B3GALT1: variants seen among roughly 807,000 people sequenced by gnomAD.
The protein encoded by B3GALT1 is beta-1,3-galactosyltransferase 1, also known as UDP-Gal:betaGlcNAc beta 1,3-galactosyltransferase, polypeptide 1.
B3GALT1 carries 10 observed loss-of-function variants against 23.2 expected under a neutral mutation model. The observed-to-expected ratio is 0.43, with a 90% CI of 0.27 to 0.73. B3GALT1 has a LOEUF of 0.73. B3GALT1 is among the 30% of genes least tolerant of loss of function. The pLI, the probability that B3GALT1 is intolerant of heterozygous loss-of-function variation, is 0.21. For synonymous variants in B3GALT1, 156 were observed against 141.5 expected (o/e 1.10, Z -0.73); for missense variants, 299 against 405.4 (o/e 0.74, Z 2.25).
chr2:167,363,030 A>G (rs1291983055), intron 1 of B3GALT1, among the ~76,000 whole-genome samples: 1 of 150,930 alleles, frequency 6.6e-6, no homozygotes, highest in Admixed American at 6.6e-5. Context: ...TAATTTTTGT[A>G]TTTTTAGTAG....
intron 2 of B3GALT1, among the ~76,000 whole-genome samples, chr2:167,540,809 A>G (rs946399740): frequency 1.3e-5 from 2 of 152,184 alleles, no homozygotes; most frequent in African/African-American, 4.8e-5. Flanking sequence ...CAAATCTTGA[A>G]AAACAGAAGG....
intron 3 of B3GALT1, among the ~76,000 whole-genome samples, chr2:167,707,252 G>C (rs1686979550): frequency 6.6e-6 from 1 of 152,136 alleles, no homozygotes; most frequent in Non-Finnish European, 1.5e-5. Flanking sequence ...TCAAATTATA[G>C]GTTTCCAGGC....
chr2:167,785,356 C>G (rs912046959), intron 3 of B3GALT1, among the ~76,000 whole-genome samples: 6 of 152,142 alleles, frequency 3.9e-5, no homozygotes, highest in Non-Finnish European at 7.4e-5. Context: ...AGAAGCAGAC[C>G]TCATCCAGGC....
chr2:167,604,619 A>C (rs1684931423), intron 2 of B3GALT1, among the ~76,000 whole-genome samples: 1 of 152,184 alleles, frequency 6.6e-6, no homozygotes, highest in African/African-American at 2.4e-5. Flanking sequence ...ATCTAAAAGG[A>C]GTGTCCCTTA....
At chr2:167,736,720 G>A (rs1198770958) in intron 3 of B3GALT1, among the ~76,000 whole-genome samples, 2 of 152,040 alleles carry the variant, frequency 1.3e-5, no homozygotes, top group Non-Finnish European at 2.9e-5. Flanking sequence ...TGGCCAACAT[G>A]GCGAAACCCT....
At chr2:167,661,869 C>T (rs1686065951) in intron 3 of B3GALT1, among the ~76,000 whole-genome samples, 1 of 152,016 alleles carries the variant, frequency 6.6e-6, no homozygotes, top group Admixed American at 6.6e-5. Context: ...CTCAATATCA[C>T]AACATGAAGC....
chr2:167,550,177 A>G (rs1233798262), intron 2 of B3GALT1, among the ~76,000 whole-genome samples: 2 of 152,224 alleles, frequency 1.3e-5, no homozygotes, highest in African/African-American at 4.8e-5. Flanking sequence ...AGTTGGAGAA[A>G]GCAGATGGAA....
At chr2:167,827,140 C>T (rs1489832705) in intron 4 of B3GALT1, among the ~76,000 whole-genome samples, 2 of 152,154 alleles carry the variant, frequency 1.3e-5, no homozygotes, top group African/African-American at 4.8e-5. Flanking sequence ...GACACCAGCA[C>T]AAATGGCACA....
At chr2:167,602,503 G>T (rs907603037) in intron 2 of B3GALT1, among the ~76,000 whole-genome samples, 5 of 152,108 alleles carry the variant, frequency 3.3e-5, no homozygotes, top group Non-Finnish European at 5.9e-5. Context: ...GCAATTTATG[G>T]TACAGGCCTT....
intron 1 of B3GALT1, among the ~76,000 whole-genome samples, chr2:167,383,647 C>G (rs1197657549): frequency 1.3e-5 from 2 of 152,172 alleles, no homozygotes; most frequent in African/African-American, 4.8e-5. Flanking sequence ...AAACACGCAT[C>G]TAAGAAATTA....
At chr2:167,757,458 G>C (rs993432089) in intron 3 of B3GALT1, among the ~76,000 whole-genome samples, 2 of 152,140 alleles carry the variant, frequency 1.3e-5, no homozygotes, top group African/African-American at 4.8e-5. Context: ...GTACACACTA[G>C]AAGTCCAACC....
chr2:167,840,951 C>T (rs1282067079), intron 4 of B3GALT1, among the ~76,000 whole-genome samples: 6 of 146,890 alleles, frequency 4.1e-5, no homozygotes, highest in Admixed American at 2.8e-4. Flanking sequence ...CGCATATTCT[C>T]ACTCATAGGT....
At chr2:167,786,631 C>G (rs1304612345) in intron 3 of B3GALT1, among the ~76,000 whole-genome samples, 1 of 152,122 alleles carries the variant, frequency 6.6e-6, no homozygotes, top group Non-Finnish European at 1.5e-5. Flanking sequence ...AGCAGAGTGG[C>G]ATTTAGGCAC....
intron 2 of B3GALT1, among the ~76,000 whole-genome samples, chr2:167,512,572 ATATATATGTATATATATATG>A (rs1700028869): frequency 1.1e-5 from 1 of 94,298 alleles, no homozygotes; most frequent in Admixed American, 1.1e-4. Flanking sequence ...ATATATGTAT[ATATATATGTATATATATATG>A]TGTATATATA....
At chr2:167,375,889 T>C (rs1158509329) in intron 1 of B3GALT1, among the ~76,000 whole-genome samples, 1 of 152,158 alleles carries the variant, frequency 6.6e-6, no homozygotes, top group African/African-American at 2.4e-5. Flanking sequence ...AGAGGAGGCA[T>C]CCTTGTCTTG....
chr2:167,563,775 C>CCGGGTGG (rs756379260), intron 2 of B3GALT1, among the ~76,000 whole-genome samples: 21,045 of 21,218 alleles, frequency 0.99, 10,482 homozygotes, highest in Middle Eastern at 1. Flanking sequence ...CGGCTGGACT[C>CCGGGTGG]GGGGCTGACC....
At chr2:167,336,293 A>G (rs1160104761) in intron 1 of B3GALT1, among the ~76,000 whole-genome samples, 2 of 152,092 alleles carry the variant, frequency 1.3e-5, no homozygotes, top group Non-Finnish European at 2.9e-5. Context: ...TTGGGTGGAC[A>G]TTGGTGTGGG....
At chr2:167,458,571 A>G (rs1007135187) in intron 1 of B3GALT1, among the ~76,000 whole-genome samples, 1 of 152,196 alleles carries the variant, frequency 6.6e-6, no homozygotes, top group African/African-American at 2.4e-5. Context: ...GTACGTTCCT[A>G]CAGTGTACAA....
intron 3 of B3GALT1, among the ~76,000 whole-genome samples, chr2:167,724,722 TGA>T (rs1687282960): frequency 6.6e-6 from 1 of 152,224 alleles, no homozygotes; most frequent in Non-Finnish European, 1.5e-5. Context: ...AGCGAGAAGA[TGA>T]CAGTGGCTGG....
Sources: allele counts gnomAD v4.1 joint callset (sites outside exome capture counted in the v4.1 genomes callset), GRCh38; gene constraint gnomAD v4.1.1; transcripts MANE v1.5; gene names NCBI Gene and HGNC (gene_info 2026-07-23, HGNC 2026-07-21).